The following MBTPS2 variants were observed in gnomAD, a reference collection of about 807,000 sequenced individuals.
MBTPS2 encodes membrane-bound transcription factor site-2 protease.
A neutral mutation model predicts 35.4 loss-of-function variants in MBTPS2; 2 were observed. The ratio of observed to expected loss-of-function variants is 0.06; its 90% CI spans 0.02 to 0.18. The LOEUF (loss-of-function observed/expected upper bound fraction) is 0.18. MBTPS2 is among the 10% of genes least tolerant of loss of function. MBTPS2 has a pLI of 1.00. For synonymous variants in MBTPS2, 125 were observed against 140.4 expected (o/e 0.89, Z 0.77); for missense variants, 244 against 386.5 (o/e 0.63, Z 3.09).
At chrX:21,857,078 A>G in intron 5 of MBTPS2, 1 of 1,211,960 alleles carries the variant, frequency 8.3e-7, no homozygotes. Flanking sequence ...ACCAAGGGGC[A>G]GTGGGTGAAG....
chrX:21,850,558 G>C (rs1250680508), intron 3 of MBTPS2, among the ~76,000 whole-genome samples: 1 of 111,278 alleles, frequency 9.0e-6, no homozygotes, highest in African/African-American at 3.3e-5. Flanking sequence ...CTCCTGGACT[G>C]TAAGAAATAG....
In MBTPS2 at chrX:21,883,282, A is replaced by G; in HGVS notation, c.*627A>G. 1.3e-6 allele frequency: 1 copy of G among 756,829 alleles called. No homozygotes were observed. The highest frequency in any genetic ancestry group is 1.6e-6 in the Non-Finnish European group (1 of 640,762). 62.4% of individuals were successfully genotyped at this position (756,829 alleles called of 1,213,427 possible). On this transcript the variant is annotated 3_prime_UTR_variant, in exon 11 of 11. Coordinates refer to ENST00000379484, the MANE Select transcript of MBTPS2 (RefSeq NM_015884.4). ...AACAAAACAGGAAGTAGGGCCTATGATATCGTGAGACATGTTTTGCCCCAC... is the reference window on the plus strand; with the variant it reads ...AACAAAACAGGAAGTAGGGCCTATGGTATCGTGAGACATGTTTTGCCCCAC...
chrX:21,873,948 A>AGT (rs1458108872), intron 7 of MBTPS2, among the ~76,000 whole-genome samples: 4 of 103,377 alleles, frequency 3.9e-5, no homozygotes, highest in Non-Finnish European at 5.9e-5. Context: ...GAAGAGTAAG[A>AGT]GTGTGTATAT....
chrX:21,843,137 T>C (rs763071236), intron 1 of MBTPS2, 33 bp from the exon 2 acceptor site: 2 of 1,136,779 alleles, frequency 1.8e-6, no homozygotes, highest in Admixed American at 2.2e-5. Flanking sequence ...TTCTTCAAAA[T>C]TGAGTGATGT....
At chrX:21,878,018 A>C in intron 7 of MBTPS2, 24 bp from the exon 8 acceptor site, 1 of 1,004,171 alleles carries the variant, frequency 1.0e-6, no homozygotes, top group Non-Finnish European at 1.4e-6. Context: ...AAGAGACTCT[A>C]ATAAACAGTG....
At chrX:21,857,818 C>T in intron 5 of MBTPS2, 2 of 380,745 alleles carry the variant, frequency 5.3e-6, no homozygotes, top group Non-Finnish European at 8.8e-6. Context: ...GCTAAGATGC[C>T]ATAGCTTGTT....
intron 9 of MBTPS2, among the ~76,000 whole-genome samples, chrX:21,879,953 T>C (rs1319961071): frequency 1.2e-5 from 1 of 82,359 alleles, no homozygotes; most frequent in Non-Finnish European, 2.2e-5. Context: ...GTTATTCTTT[T>C]TTTTTTTTTT....
At chrX:21,875,903 C>T (rs770312887) in intron 7 of MBTPS2, among the ~76,000 whole-genome samples, 13 of 111,741 alleles carry the variant, frequency 1.2e-4, no homozygotes, top group African/African-American at 4.2e-4. Context: ...GACCTCAGCA[C>T]CATAGAATAG....
At chrX:21,840,874 A>C in intron 1 of MBTPS2, among the ~76,000 whole-genome samples, 1 of 112,207 alleles carries the variant, frequency 8.9e-6, no homozygotes, top group East Asian at 2.8e-4. Flanking sequence ...GAAAATTGCT[A>C]TCTGTGCCTT....
In MBTPS2 at chrX:21,839,639, G is replaced by A. The variant is rs767881064; in HGVS notation, c.-96G>A. 3.3e-6 allele frequency: 3 copies of A among 905,301 alleles called. No individual in the cohort carries two copies. Among genetic ancestry groups the A allele is most frequent in the African/African-American group, 2.0e-5 (1 of 50,970 alleles). The allele number at this position is 905,301 out of a possible 1,213,427, so 74.6% of individuals were successfully genotyped here. ...GCCGGCGGTAGCTTGGTTCCTGAGCGGATGCTGGGGCTGTAAGGCGCGCGC... is the reference window on the plus strand; with the variant it reads ...GCCGGCGGTAGCTTGGTTCCTGAGCAGATGCTGGGGCTGTAAGGCGCGCGC... On this transcript the variant is annotated 5_prime_UTR_variant, in exon 1 of 11. Coordinates refer to ENST00000379484, the MANE Select transcript of MBTPS2 (RefSeq NM_015884.4).
intron 5 of MBTPS2, among the ~76,000 whole-genome samples, chrX:21,866,101 G>A (rs983750774): frequency 5.4e-5 from 6 of 110,873 alleles, no homozygotes; most frequent in Admixed American, 2.9e-4. Flanking sequence ...CACCGTGCCC[G>A]GCCCCATGAT....
intron 5 of MBTPS2, among the ~76,000 whole-genome samples, chrX:21,866,711 C>T (rs2092940201): frequency 9.0e-6 from 1 of 110,869 alleles, no homozygotes; most frequent in Non-Finnish European, 1.9e-5. Context: ...CTAGTTATTG[C>T]AGTCATTGCA....
intron 5 of MBTPS2, chrX:21,856,727 G>A (rs947717850): frequency 8.3e-7 from 1 of 1,211,917 alleles, no homozygotes; most frequent in East Asian, 3.0e-5. Context: ...TGCTTATGTT[G>A]CAGACACAAG....
intron 9 of MBTPS2, 47 bp from the exon 10 acceptor site, chrX:21,880,849 AT>A (rs1385416750): frequency 2.3e-6 from 2 of 873,807 alleles, no homozygotes; most frequent in Non-Finnish European, 3.4e-6. Context: ...AATGCTGTTG[AT>A]TCTCTGGTAT....
rs200294245 is a variant in MBTPS2 at position 21,865,985 on chromosome X, CTTT to C, written c.671-2481_671-2479del. Reference sequence around the variant, plus strand: ...GTTTGTTTGTTTTGTTTTTTTGTTTCTTTGAGACAGAGTATCTTTCTGTCACCC... The same window carrying C: ...GTTTGTTTGTTTTGTTTTTTTGTTTCGAGACAGAGTATCTTTCTGTCACCC... On this transcript the variant is annotated intron_variant, in intron 5 of 10. Transcript: ENST00000379484. Among the ~76,000 whole-genome samples, 333 of 111,032 alleles carry C rather than the reference CTTT, an allele frequency of 3.0e-3. 1 individual carries two copies. Among genetic ancestry groups the C allele is most frequent in the African/African-American group, 9.9e-3 (304 of 30,568 alleles).
chrX:21,875,042 A>AT (rs1304988508), intron 7 of MBTPS2, among the ~76,000 whole-genome samples: 1 of 112,155 alleles, frequency 8.9e-6, no homozygotes. Context: ...CAAACAAAAT[A>AT]TTTCACTCTT....
chrX:21,842,227 TA>T (rs1416434439), intron 1 of MBTPS2, among the ~76,000 whole-genome samples: 1 of 111,772 alleles, frequency 8.9e-6, no homozygotes, highest in Non-Finnish European at 1.9e-5. Flanking sequence ...CAAACTTCCC[TA>T]AAGGTAAAAC....
rs748868186 is a variant in MBTPS2 at position 21,856,941 on chromosome X, A to G, written c.670+3438A>G. On this transcript the variant is annotated intron_variant, in intron 5 of 10. Coordinates refer to ENST00000379484, the MANE Select transcript of MBTPS2 (RefSeq NM_015884.4). ...GCCCAGCGGCAAGAGTGCCACCAGC[A>G]CTGAGGCCAACCCGGCAGGCAGCAG... 6 of 1,210,564 alleles carry G rather than the reference A, an allele frequency of 5.0e-6. No homozygotes were observed. The East Asian group carries it at 1.5e-4, about 30-fold the overall frequency.
chrX:21,849,388 A>C (rs1315333534), intron 3 of MBTPS2, among the ~76,000 whole-genome samples: 1 of 111,977 alleles, frequency 8.9e-6, no homozygotes, highest in Admixed American at 9.5e-5. Context: ...GAAGGACCAA[A>C]AAATGGTCAA....
Sources: allele counts gnomAD v4.1 joint callset (sites outside exome capture counted in the v4.1 genomes callset), GRCh38; gene constraint gnomAD v4.1.1; transcripts MANE v1.5; gene names NCBI Gene and HGNC (gene_info 2026-07-23, HGNC 2026-07-21).